The following SLC35B1 variants were observed in gnomAD, a reference collection of about 807,000 sequenced individuals.
SLC35B1 encodes the protein ATP/ADP exchanger ER.
In SLC35B1, 27 loss-of-function variants were observed where a neutral mutation model predicts 36.6. The observed-to-expected ratio is 0.74, with a 90% CI of 0.54 to 1.02. The LOEUF (loss-of-function observed/expected upper bound fraction) is 1.02. Among genes scored for constraint, SLC35B1 ranks in the 50% least tolerant of loss-of-function variants. The probability of loss-of-function intolerance (pLI) is 0.00; values close to 1 mark genes in which losing one functional copy is unlikely to be tolerated. For missense variants in SLC35B1, 321 were observed against 383.2 expected (o/e 0.84, Z 1.35); for synonymous variants, 162 against 152.5 (o/e 1.06, Z -0.46).
rs759914253 is a variant in SLC35B1, at chr17:49,706,350, A to G, written c.209-16T>C. On this transcript the variant is annotated splice_polypyrimidine_tract_variant and intron_variant, in intron 2 of 8. Transcript: ENST00000240333. ...AACTGGATCACTGGGAGAAGACAAA[A>G]AAAAAAAAAAAAAAAGAAAAGAAAA... The G allele has an allele frequency of 1.7e-5, 20 of 1,185,028 alleles. No individual in the cohort carries two copies. The highest frequency in any genetic ancestry group is 3.4e-5 in the Admixed American group (1 of 29,220). The allele number at this position is 1,185,028 out of a possible 1,614,324, so 73.4% of individuals were successfully genotyped here. A position where few individuals can be genotyped will look rare whatever the true frequency, so the allele number is the denominator to read the frequency against.
At chr17:49,705,807 G>A (rs1453249860) in intron 4 of SLC35B1, 59 bp downstream of exon 4, 3 of 1,533,966 alleles carry the variant, frequency 2.0e-6, no homozygotes, top group East Asian at 4.5e-5. Flanking sequence ...TTGTAGCAGA[G>A]AGAGAGCTTA....
chr17:49,704,308 G>A, intron 5 of SLC35B1, 82 bp from the exon 6 acceptor site: 2 of 1,543,438 alleles, frequency 1.3e-6, no homozygotes, highest in Non-Finnish European at 1.8e-6. Flanking sequence ...CTCACTCTCA[G>A]GCTCCTTGGA....
chr17:49,706,972 G>A lies in SLC35B1; in HGVS notation c.201C>T (p.Ala67=), dbSNP rs771176571. 1 of 1,612,798 alleles carries A rather than the reference G, an allele frequency of 6.2e-7. No individual in the cohort carries two copies. The highest frequency in any genetic ancestry group is 1.1e-5 in the South Asian group (1 of 91,062). ...FIQCVINAVF[A]KILIQFFDTA... The stretch of plus-strand genomic sequence containing the variant: ...TACTATCTGGGTACTCACAGATCTT[G>A]GCAAACACAGCATTGATCACACATT... The change falls in exon 2 of 9, where the codon GCC becomes GCT. Residue 67 remains alanine, a synonymous_variant. Transcript: ENST00000240333.
chr17:49,702,907 G>C lies in SLC35B1; in HGVS notation c.867C>G (p.Ala289=), dbSNP rs1423472676. Residue 289 remains alanine (A), a synonymous_variant, in exon 8 of 9, where the codon GCC becomes GCG. Transcript: ENST00000240333. ...FTILASVILF[A]NPISPMQWVG... is the part of the protein sequence containing the mutation. ...CCCACTGCATGGGGCTGATGGGATT[G>C]GCGAAGAGGATCACAGAGGCCAAAA... The C allele has an allele frequency of 6.2e-7, 1 of 1,614,080 alleles. No homozygotes were observed. Among genetic ancestry groups the C allele is most frequent in the Non-Finnish European group, 8.5e-7 (1 of 1,180,020 alleles).
chr17:49,707,899 G>A lies in SLC35B1; in HGVS notation c.-66C>T. The A allele has an allele frequency of 6.3e-7, 1 of 1,596,896 alleles. No homozygotes were observed. Among genetic ancestry groups the A allele is most frequent in the Non-Finnish European group, 8.5e-7 (1 of 1,172,570 alleles). ...GGCACCGGCAGCAGCGGCGGCGGAGGCGACAGCTCCAGCCGGACATCGCCG... is the reference window on the plus strand; with the variant it reads ...GGCACCGGCAGCAGCGGCGGCGGAGACGACAGCTCCAGCCGGACATCGCCG... On this transcript the variant is annotated 5_prime_UTR_variant, in exon 1 of 9. Coordinates refer to ENST00000240333, the MANE Select transcript of SLC35B1 (RefSeq NM_005827.4).
Position 49,707,536 on chromosome 17 carries a change from G to A in SLC35B1, c.104+194C>T, listed in dbSNP as rs539980125. 140 of 1,488,430 alleles carry A rather than the reference G, an allele frequency of 9.4e-5. No individual in the cohort carries two copies. In the African/African-American group the frequency reaches 1.7e-3, roughly 18 times the overall value. 92.2% of individuals were successfully genotyped at this position (1,488,430 alleles called of 1,614,324 possible). ...CTAAGAAAAGAAAATAACCAAGTCC[G>A]AAGAATCCAGAAAATAATCCTGGAG... On this transcript the variant is annotated intron_variant, in intron 1 of 8. Transcript: ENST00000240333.
chr17:49,701,079 GAACAGA>G lies in SLC35B1; in HGVS notation c.*373_*378del. 1 of 181,840 alleles carries G rather than the reference GAACAGA, an allele frequency of 5.5e-6. No individual in the cohort carries two copies. The highest frequency in any genetic ancestry group is 1.2e-4 in the South Asian group (1 of 8,018). 11.3% of individuals were successfully genotyped at this position (181,840 alleles called of 1,614,324 possible). ...CTAACGGGACAAGCCTCACCCATCG[GAACAGA>G]AGCCATTAGCACAATTCTGCGATCT... On this transcript the variant is annotated 3_prime_UTR_variant, in exon 9 of 9. Coordinates refer to ENST00000240333, the MANE Select transcript of SLC35B1 (RefSeq NM_005827.4).
intron 5 of SLC35B1, chr17:49,704,923 G>C (rs2073396375): frequency 2.0e-6 from 1 of 502,414 alleles, no homozygotes. Flanking sequence ...TCTCCAGAAT[G>C]AGAGCTGAGT....
rs1423472676 is a variant in SLC35B1 at position 49,702,907 on chromosome 17, G to A, written c.867C>T (p.Ala289=). 1 of 1,614,080 alleles carries A rather than the reference G, an allele frequency of 6.2e-7. No homozygotes were observed. The highest frequency in any genetic ancestry group is 1.7e-5 in the Admixed American group (1 of 60,004). The part of the protein sequence containing the change: ...FTILASVILF[A]NPISPMQWVG... The stretch of plus-strand genomic sequence containing the variant: ...CCCACTGCATGGGGCTGATGGGATT[G>A]GCGAAGAGGATCACAGAGGCCAAAA... Residue 289 remains alanine (A), a synonymous_variant, in exon 8 of 9, where the codon GCC becomes GCT. Coordinates refer to ENST00000240333, the MANE Select transcript of SLC35B1 (RefSeq NM_005827.4).
upstream of SLC35B1, chr17:49,708,073 G>C (rs1417870898): frequency 3.6e-6 from 3 of 826,432 alleles, no homozygotes; most frequent in Non-Finnish European, 5.9e-6. Flanking sequence ...CCCGCCCTGG[G>C]ACCTTGGCTC....
Position 49,707,776 on chromosome 17 carries a change from C to G in SLC35B1, c.58G>C (p.Gly20Arg). Residue 20 changes from glycine to arginine, a missense_variant, in exon 1 of 9, where the codon GGT becomes CGT. Transcript: ENST00000240333. ...DRLRLPLCFLGVFVCYFYYGI... is the reference protein window; with the variant it reads ...DRLRLPLCFLRVFVCYFYYGI... ...TAGTAAAAATAGCAGACAAAGACACCCAGGAAGCAGAGCGGCAGGCGCAGC... is the reference window on the plus strand; with the variant it reads ...TAGTAAAAATAGCAGACAAAGACACGCAGGAAGCAGAGCGGCAGGCGCAGC... 1 of 1,612,106 alleles carries G rather than the reference C, an allele frequency of 6.2e-7. No homozygotes were observed. The highest frequency in any genetic ancestry group is 8.5e-7 in the Non-Finnish European group (1 of 1,179,864).
intron 4 of SLC35B1, 51 bp from the exon 5 acceptor site, chr17:49,705,332 G>A (rs758921623): frequency 6.4e-7 from 1 of 1,561,408 alleles, no homozygotes; most frequent in South Asian, 1.1e-5. Context: ...AGGTATTGAT[G>A]ACCCCAATGC....
rs761047077 is a variant in SLC35B1 at position 49,703,176 on chromosome 17, T to G, written c.762+12A>C. 2.2e-5 allele frequency: 36 copies of G among 1,605,608 alleles called. No individual in the cohort carries two copies. Among genetic ancestry groups the G allele is most frequent in the Non-Finnish European group, 2.6e-5 (30 of 1,172,304 alleles). On this transcript the variant is annotated intron_variant, in intron 7 of 8. Coordinates refer to ENST00000240333, the MANE Select transcript of SLC35B1 (RefSeq NM_005827.4). ...AGTAGGGAAGCCAAGCCATCCCCTT[T>G]CAAGCACTCACCTGACCCAGGGCAC... is the stretch of plus-strand genomic sequence containing the variant.
intron 8 of SLC35B1, 30 bp downstream of exon 8, chr17:49,702,828 C>T: frequency 1.3e-6 from 2 of 1,569,514 alleles, no homozygotes; most frequent in Non-Finnish European, 8.7e-7. Flanking sequence ...AAAAATTCAG[C>T]TGTCACTGTG....
At position 49,707,949 on chromosome 17, in the gene SLC35B1, G is replaced by T; in HGVS notation, c.-116C>A. 6 of 1,552,210 alleles carry T rather than the reference G, an allele frequency of 3.9e-6. No homozygotes were observed. The highest frequency in any genetic ancestry group is 5.2e-6 in the Non-Finnish European group (6 of 1,147,948). On this transcript the variant is annotated 5_prime_UTR_variant, in exon 1 of 9. Coordinates refer to ENST00000240333, the MANE Select transcript of SLC35B1 (RefSeq NM_005827.4). ...GACCGGCGGCAGGGGCCTCATAGGAGCTGCATGCGACCGCTGTCCAGCAGG... is the reference window on the plus strand; with the variant it reads ...GACCGGCGGCAGGGGCCTCATAGGATCTGCATGCGACCGCTGTCCAGCAGG...
intron 1 of SLC35B1, 126 bp from the exon 2 acceptor site, chr17:49,707,194 T>C: frequency 7.6e-7 from 1 of 1,316,388 alleles, no homozygotes; most frequent in Non-Finnish European, 1.0e-6. Flanking sequence ...CAGAGTTTGT[T>C]AAGGACCACT....
chr17:49,705,329 G>T (rs750845124), intron 4 of SLC35B1, 48 bp from the exon 5 acceptor site: 1 of 1,579,408 alleles, frequency 6.3e-7, no homozygotes. Context: ...ATAAGGTATT[G>T]ATGACCCCAA....
upstream of SLC35B1, chr17:49,708,072 G>A (rs1598014203): frequency 2.4e-6 from 2 of 830,924 alleles, no homozygotes; most frequent in East Asian, 2.6e-5. Flanking sequence ...ACCCGCCCTG[G>A]GACCTTGGCT....
chr17:49,706,054 G>T, intron 3 of SLC35B1, 150 bp downstream of exon 3: 11 of 1,294,264 alleles, frequency 8.5e-6, no homozygotes, highest in Middle Eastern at 2.0e-4. Context: ...ACCACTAAAC[G>T]TAAGTTCTAT....
Sources: gnomAD v4.1 joint callset for allele counts on GRCh38, gnomAD v4.1.1 for gene constraint, MANE v1.5 for transcripts, NCBI Gene and HGNC (gene_info 2026-07-23, HGNC 2026-07-21) for gene names.